The following CACNA1B variants were observed in gnomAD, a reference collection of about 807,000 sequenced individuals.
CACNA1B encodes the protein calcium voltage-gated channel subunit alpha1 B.
Under a neutral mutation model 247.2 loss-of-function variants are expected in CACNA1B, and 70 were observed. The ratio of observed to expected loss-of-function variants is 0.28; its 90% CI spans 0.23 to 0.35. The LOEUF (loss-of-function observed/expected upper bound fraction) is 0.35, where lower values mean the gene tolerates loss of function less well. Among genes scored for constraint, CACNA1B ranks in the 10% least tolerant of loss-of-function variants. The pLI is 1.00. For synonymous variants in CACNA1B, 1,231 were observed against 1,294.4 expected (o/e 0.95, Z 1.05); for missense variants, 2,367 against 3,197.4 (o/e 0.74, Z 6.26).
Position 138,075,102 on chromosome 9 carries a change from G to A in CACNA1B, c.4858-717G>A, listed in dbSNP as rs1279198053. Reference sequence around the variant, plus strand: ...AACAGCAGGGACGGAAGAGGGACCCGAGTGTTAATTTGTTATCGAAGGTGC... The same window carrying A: ...AACAGCAGGGACGGAAGAGGGACCCAAGTGTTAATTTGTTATCGAAGGTGC... On this transcript the variant is annotated intron_variant, in intron 34 of 46. Transcript: ENST00000371372. Among the ~76,000 whole-genome samples, 6 of 152,340 alleles carry A rather than the reference G, an allele frequency of 3.9e-5. No individual in the cohort carries two copies. In the East Asian group the frequency reaches 7.7e-4, roughly 20 times the overall value.
chr9:137,902,765 C>A (rs1223321644), intron 3 of CACNA1B, among the ~76,000 whole-genome samples: 1 of 152,166 alleles, frequency 6.6e-6, no homozygotes, highest in Non-Finnish European at 1.5e-5. Flanking sequence ...ACTGCGGGCA[C>A]CCCCCTCCTG....
intron 31 of CACNA1B, among the ~76,000 whole-genome samples, chr9:138,067,631 G>T (rs1469180174): frequency 2.0e-5 from 3 of 152,222 alleles, no homozygotes; most frequent in African/African-American, 7.2e-5. Context: ...CCCAGGAGGT[G>T]GAGGTCACAG....
At chr9:137,879,689 G>C (rs1264720473) in intron 2 of CACNA1B, among the ~76,000 whole-genome samples, 2 of 152,140 alleles carry the variant, frequency 1.3e-5, no homozygotes, top group African/African-American at 2.4e-5. Flanking sequence ...ATTTTTACCT[G>C]TCCCCAGATT....
rs2131376319 is a variant in CACNA1B, at chr9:138,122,133, T to C, written c.*134T>C. 1.0e-5 allele frequency: 7 copies of C among 692,058 alleles called. No individual in the cohort carries two copies. The highest frequency in any genetic ancestry group is 1.7e-5 in the Non-Finnish European group (7 of 420,544). 42.9% of individuals were successfully genotyped at this position (692,058 alleles called of 1,614,324 possible). On this transcript the variant is annotated 3_prime_UTR_variant, in exon 47 of 47. Transcript: ENST00000371372. ...TGGTGAGGCTCCTGTGGCCCCTCCC[T>C]CCCCCTCCTCCCCTCTTTTACTCTA...
chr9:138,031,158 C>A (rs1008949182), intron 20 of CACNA1B, among the ~76,000 whole-genome samples: 1 of 152,044 alleles, frequency 6.6e-6, no homozygotes, highest in East Asian at 1.9e-4. Context: ...GTCTTTCCTT[C>A]TTTTCTGCTG....
At chr9:138,029,574 T>C (rs1748632990) in intron 20 of CACNA1B, among the ~76,000 whole-genome samples, 1 of 151,814 alleles carries the variant, frequency 6.6e-6, no homozygotes, top group African/African-American at 2.4e-5. Context: ...CTCCTTGTCA[T>C]TTCTGATCCT....
chr9:138,069,662 C>G (rs1176415312), intron 31 of CACNA1B, 96 bp from the exon 32 acceptor site: 3 of 906,824 alleles, frequency 3.3e-6, no homozygotes, highest in Non-Finnish European at 3.6e-6. Flanking sequence ...AATGCGAAAA[C>G]CCATGTCTCC....
At chr9:138,093,687 C>T (rs905162404) in intron 36 of CACNA1B, among the ~76,000 whole-genome samples, 1 of 151,794 alleles carries the variant, frequency 6.6e-6, no homozygotes, top group Non-Finnish European at 1.5e-5. Flanking sequence ...CTGCAGTGAC[C>T]TGAGATCACG....
At chr9:138,079,530 G>A (rs1178897727) in intron 36 of CACNA1B, among the ~76,000 whole-genome samples, 1 of 152,034 alleles carries the variant, frequency 6.6e-6, no homozygotes, top group African/African-American at 2.4e-5. Flanking sequence ...ATCACCTAAG[G>A]CCAGGAGCTC....
rs1005640385 is a variant in CACNA1B at position 137,952,191 on chromosome 9, G to T, written c.967-83G>T. On this transcript the variant is annotated intron_variant, in intron 6 of 46. Transcript: ENST00000371372. This position sits in a 1 kb window ranked among gnomAD's most constrained non-coding sequence, Gnocchi z 4.8. ...CCAGGTGTGTGCTTCTGAGAAGGAG[G>T]CCTGTTGGGGGCTGGGGGTGCTCCT... 2 of 1,040,844 alleles carry T rather than the reference G, an allele frequency of 1.9e-6. No individual in the cohort carries two copies. Among genetic ancestry groups the T allele is most frequent in the Non-Finnish European group, 3.0e-6 (2 of 669,458 alleles). The allele number at this position is 1,040,844 out of a possible 1,614,324, so 64.5% of individuals were successfully genotyped here.
chr9:138,071,872 C>T (rs1348550040), intron 32 of CACNA1B, among the ~76,000 whole-genome samples: 2 of 151,970 alleles, frequency 1.3e-5, no homozygotes, highest in African/African-American at 4.8e-5. Flanking sequence ...CCCCTGAGCA[C>T]AAGGTTTCAG....
At chr9:137,886,736 A>T (rs1425610748) in intron 3 of CACNA1B, among the ~76,000 whole-genome samples, 3 of 148,750 alleles carry the variant, frequency 2.0e-5, no homozygotes, top group African/African-American at 7.5e-5. Flanking sequence ...GTGGATGGTG[A>T]TGAGTTGCGG....
chr9:138,066,713 A>G (rs955184929), intron 31 of CACNA1B, among the ~76,000 whole-genome samples: 27 of 152,388 alleles, frequency 1.8e-4, no homozygotes, highest in Middle Eastern at 3.4e-3. Flanking sequence ...AATACTGTAT[A>G]TTAAAGCTCA....
chr9:137,938,864 G>C (rs1284814442), intron 6 of CACNA1B, among the ~76,000 whole-genome samples: 1 of 152,180 alleles, frequency 6.6e-6, no homozygotes, highest in Non-Finnish European at 1.5e-5. Flanking sequence ...CCTGAGGTCA[G>C]GAGCTTGAGA....
chr9:138,035,134 G>C (rs1198942429), intron 20 of CACNA1B, among the ~76,000 whole-genome samples: 1 of 152,216 alleles, frequency 6.6e-6, no homozygotes, highest in African/African-American at 2.4e-5. Context: ...CATCATGTAG[G>C]CATTTCATTA....
At chr9:137,900,649 G>GT (rs1413044079) in intron 3 of CACNA1B, among the ~76,000 whole-genome samples, 1 of 150,280 alleles carries the variant, frequency 6.7e-6, no homozygotes, top group Non-Finnish European at 1.5e-5. Flanking sequence ...CTGTGTGTCT[G>GT]TGCTGTGTGT....
chr9:138,087,586 G>A (rs561311905), intron 36 of CACNA1B, among the ~76,000 whole-genome samples: 67 of 150,340 alleles, frequency 4.5e-4, no homozygotes, highest in African/African-American at 1.5e-3. Context: ...GTGGTAGCAC[G>A]CGCCTGTAGT....
intron 7 of CACNA1B, among the ~76,000 whole-genome samples, chr9:137,953,702 G>C (rs898322659): frequency 6.6e-6 from 1 of 152,184 alleles, no homozygotes; most frequent in Non-Finnish European, 1.5e-5. Context: ...TAAGGAAGGA[G>C]GAGGGTCTTT....
chr9:137,981,225 G>A (rs941177142), intron 12 of CACNA1B, among the ~76,000 whole-genome samples: 5 of 152,132 alleles, frequency 3.3e-5, no homozygotes, highest in Non-Finnish European at 5.9e-5. Context: ...TGATTTGCAC[G>A]TCTCTGATTA....
Sources: gnomAD v4.1 joint callset for allele counts (sites outside exome capture counted in the v4.1 genomes callset) on GRCh38, gnomAD v4.1.1 for gene constraint, Gnocchi (gnomAD v3.1) non-coding constraint, MANE v1.5 for transcripts, NCBI Gene and HGNC (gene_info 2026-07-23, HGNC 2026-07-21) for gene names.